The following ALPL variants were observed in gnomAD, a reference collection of about 807,000 sequenced individuals.
ALPL encodes alkaline phosphatase, biomineralization associated, also known as alkaline phosphatase, tissue-nonspecific isozyme.
In ALPL, 42 loss-of-function variants were observed where a neutral mutation model predicts 51.3. That is an observed-to-expected ratio of 0.82 (90% CI 0.64 to 1.06). ALPL has a LOEUF of 1.06. ALPL is among the 50% of genes least tolerant of loss of function. The pLI is 0.00. For missense variants in ALPL, 589 were observed against 709.4 expected (o/e 0.83, Z 1.93); for synonymous variants, 279 against 296.4 (o/e 0.94, Z 0.60).
At chr1:21,547,204 G>C (rs1415591569) in intron 1 of ALPL, among the ~76,000 whole-genome samples, 1 of 152,210 alleles carries the variant, frequency 6.6e-6, no homozygotes, top group Admixed American at 6.5e-5. Context: ...GCCCTCCCCC[G>C]GGGCTCAAAT....
In ALPL at chr1:21,561,076, G is replaced by A. The variant is rs761781621; in HGVS notation, c.182-21G>A. The A allele has an allele frequency of 5.0e-6, 8 of 1,586,992 alleles. No individual in the cohort carries two copies. In the South Asian group the frequency reaches 8.0e-5, roughly 16 times the overall value. On this transcript the variant is annotated intron_variant, in intron 3 of 11. Coordinates refer to ENST00000374840, the MANE Select transcript of ALPL (RefSeq NM_000478.6). Reference sequence around the variant, plus strand: ...GAGAGGCAGGAGCACGAGAGACTGAGGCCCCCACTCCCCACTGCAGGGATG... The same window carrying A: ...GAGAGGCAGGAGCACGAGAGACTGAAGCCCCCACTCCCCACTGCAGGGATG...
At position 21,573,573 on chromosome 1, in the gene ALPL, C is replaced by T. The variant is rs1644681662; in HGVS notation, c.863-92C>T. On this transcript the variant is annotated intron_variant, in intron 8 of 11. Coordinates refer to ENST00000374840, the MANE Select transcript of ALPL (RefSeq NM_000478.6). ...TCTACCCCAAGCTGGCTGTGGGGAGCCTGCATTCCCTGAGACACCCCAGCT... is the reference window on the plus strand; with the variant it reads ...TCTACCCCAAGCTGGCTGTGGGGAGTCTGCATTCCCTGAGACACCCCAGCT... The T allele has an allele frequency of 2.6e-6, 4 of 1,512,408 alleles. No homozygotes were observed. In the South Asian group the frequency reaches 3.6e-5, roughly 14 times the overall value. The allele number at this position is 1,512,408 out of a possible 1,614,324, so 93.7% of individuals were successfully genotyped here.
At position 21,577,326 on chromosome 1, in the gene ALPL, C is replaced by T. The variant is rs1316855072; in HGVS notation, c.1310-57C>T. ...GCCTGGAAGGGAGATGGAAAAGCTG[C>T]GTGCGCAGCGCCAGGCCCCTGGCAG... On this transcript the variant is annotated intron_variant, in intron 11 of 11. Coordinates refer to ENST00000374840, the MANE Select transcript of ALPL (RefSeq NM_000478.6). 1.5e-5 allele frequency: 24 copies of T among 1,611,244 alleles called. No individual in the cohort carries two copies. In the South Asian group the frequency reaches 1.5e-4, roughly 10 times the overall value.
chr1:21,561,371 C>A (rs564573707), intron 4 of ALPL, among the ~76,000 whole-genome samples, 159 bp downstream of exon 4: 2 of 152,300 alleles, frequency 1.3e-5, no homozygotes, highest in East Asian at 3.9e-4. Context: ...CTTCTGACAC[C>A]ATAGCATCAC....
chr1:21,521,686 C>A (rs908367973), intron 1 of ALPL, among the ~76,000 whole-genome samples: 8 of 152,182 alleles, frequency 5.3e-5, no homozygotes, highest in African/African-American at 1.7e-4. Context: ...GGCAGCAGGA[C>A]AAGCCAGTGT....
chr1:21,536,475 G>C (rs1347308215), intron 1 of ALPL, among the ~76,000 whole-genome samples: 1 of 152,206 alleles, frequency 6.6e-6, no homozygotes, highest in East Asian at 1.9e-4. Flanking sequence ...ATGTAGCCAG[G>C]ATGTTCAGAG....
intron 1 of ALPL, among the ~76,000 whole-genome samples, chr1:21,540,306 T>G (rs1644165923): frequency 7.1e-6 from 1 of 141,618 alleles, no homozygotes; most frequent in South Asian, 2.1e-4. Context: ...ATCTCCCTAC[T>G]GCGCCTCCCT....
intron 1 of ALPL, among the ~76,000 whole-genome samples, chr1:21,512,325 T>G (rs113459200): frequency 0.017 from 2,595 of 152,342 alleles, 55 homozygotes; most frequent in African/African-American, 0.052. Flanking sequence ...ACCTTCCCTT[T>G]CGAAGCCTCA....
chr1:21,576,434 A>G, intron 10 of ALPL, 88 bp from the exon 11 acceptor site: 1 of 1,558,030 alleles, frequency 6.4e-7, no homozygotes, highest in Non-Finnish European at 8.7e-7. Flanking sequence ...CCCAGGGGTT[A>G]CCAAGCCACC....
At chr1:21,575,952 C>T in intron 10 of ALPL, 28 bp downstream of exon 10, 1 of 1,612,966 alleles carries the variant, frequency 6.2e-7, no homozygotes, top group Non-Finnish European at 8.5e-7. Flanking sequence ...GGGGTGGACA[C>T]TCCTGGGGTC....
chr1:21,510,817 T>G (rs1342830936), intron 1 of ALPL, among the ~76,000 whole-genome samples: 3 of 152,224 alleles, frequency 2.0e-5, no homozygotes, highest in African/African-American at 7.2e-5. Flanking sequence ...CACGCTGTCC[T>G]GCCCCAGCCA....
intron 1 of ALPL, among the ~76,000 whole-genome samples, chr1:21,536,506 C>T (rs550482905): frequency 1.3e-5 from 2 of 152,304 alleles, no homozygotes; most frequent in Non-Finnish European, 2.9e-5. Flanking sequence ...GGCATGGCTG[C>T]ATCTAGGAGC....
At chr1:21,559,952 A>G (rs1644461690) in intron 2 of ALPL, among the ~76,000 whole-genome samples, 1 of 152,258 alleles carries the variant, frequency 6.6e-6, no homozygotes, top group South Asian at 2.1e-4. Flanking sequence ...ATAAAGCCCC[A>G]GCCAGAAGTC....
chr1:21,552,428 G>A (rs1021827097), intron 1 of ALPL, among the ~76,000 whole-genome samples: 56 of 149,682 alleles, frequency 3.7e-4, no homozygotes, highest in African/African-American at 1.3e-3. Flanking sequence ...GCAGTGAGCC[G>A]AGGTTGTGCC....
Position 21,521,013 on chromosome 1 carries a change from G to C in ALPL, c.-105+11496G>C, listed in dbSNP as rs1643877953. Among the ~76,000 whole-genome samples, 4 of 152,168 alleles carry C rather than the reference G, an allele frequency of 2.6e-5. No homozygotes were observed. In the South Asian group the frequency reaches 6.2e-4, roughly 24 times the overall value. The stretch of plus-strand genomic sequence containing the variant: ...CAACCTCTCCCTGTTTGTGTTGCCA[G>C]TTGGCATCATGGCTGTTTTTCTAGA... On this transcript the variant is annotated intron_variant, in intron 1 of 11. Transcript: ENST00000374840.
At chr1:21,520,355 C>T (rs999521744) in intron 1 of ALPL, among the ~76,000 whole-genome samples, 2 of 151,960 alleles carry the variant, frequency 1.3e-5, no homozygotes, top group Non-Finnish European at 2.9e-5. Flanking sequence ...GTCTTGAACT[C>T]CTGGGCTCAG....
chr1:21,535,127 T>C (rs1644081302), intron 1 of ALPL, among the ~76,000 whole-genome samples: 1 of 152,222 alleles, frequency 6.6e-6, no homozygotes, highest in Non-Finnish European at 1.5e-5. Context: ...GAATAACATA[T>C]AGGGAAAGCC....
chr1:21,570,309 CCCACTT>C lies in ALPL; in HGVS notation c.799_804del (p.His267_Phe268del). ...TGACACAGCCCTTCCTCCTAGCACT[CCCACTT>C]CATCTGGAACCGCACGGAACTCCTG... On this transcript the variant is annotated inframe_deletion, in exon 8 of 12. Transcript: ENST00000374840. The C allele has an allele frequency of 6.2e-7, 1 of 1,614,136 alleles. No homozygotes were observed. The highest frequency in any genetic ancestry group is 8.5e-7 in the Non-Finnish European group (1 of 1,180,012).
rs1343231515 is a variant in ALPL, at chr1:21,521,465, G to A, written c.-105+11948G>A. 4.6e-5 allele frequency among the ~76,000 whole-genome samples: 7 copies of A among 152,198 alleles called. No individual in the cohort carries two copies. In the East Asian group the frequency reaches 1.3e-3, roughly 29 times the overall value. ...CTCCCAAAGTGCTGGGATTACAACA[G>A]CCCATTTAATGACTTTTGAGTTCAT... On this transcript the variant is annotated intron_variant, in intron 1 of 11. Transcript: ENST00000374840.
Sources: gnomAD v4.1 joint callset for allele counts (sites outside exome capture counted in the v4.1 genomes callset) on GRCh38, gnomAD v4.1.1 for gene constraint, MANE v1.5 for transcripts, NCBI Gene and HGNC (gene_info 2026-07-23, HGNC 2026-07-21) for gene names.